Variants in DRC8 observed in about 807,000 individuals in gnomAD.
DRC8 encodes the protein dynein regulatory complex protein 8.
the DRC8 span, among the ~76,000 whole-genome samples, chr1:245,101,240 C>T: frequency 1.3e-5 from 2 of 152,194 alleles, no homozygotes; most frequent in African/African-American, 2.4e-5. Flanking sequence ...CCCAATCTTT[C>T]TTTTATCCTT....
At chr1:245,119,893 A>G in the DRC8 span, among the ~76,000 whole-genome samples, 1 of 152,072 alleles carries the variant, frequency 6.6e-6, no homozygotes, top group African/African-American at 2.4e-5. Context: ...AGATCATGCA[A>G]CTGCACTCCA....
At chr1:245,048,453 T>C in the DRC8 span, among the ~76,000 whole-genome samples, 2 of 152,016 alleles carry the variant, frequency 1.3e-5, no homozygotes, top group East Asian at 1.9e-4. Context: ...TGAGGCAGGG[T>C]TTCTGTTATC....
the DRC8 span, among the ~76,000 whole-genome samples, chr1:245,119,696 G>A: frequency 0.012 from 1,875 of 151,506 alleles, 45 homozygotes; most frequent in African/African-American, 0.043. Context: ...CACTTTGGGA[G>A]GCCGAGGCAT....
At chr1:244,971,958 C>CAAA in the DRC8 span, among the ~76,000 whole-genome samples, 1,062 of 107,142 alleles carry the variant, frequency 9.9e-3, 30 homozygotes, top group East Asian at 0.055. Context: ...TGTTCTTTAC[C>CAAA]AAAAAAAAAA....
At chr1:245,056,448 A>C in the DRC8 span, among the ~76,000 whole-genome samples, 5 of 152,298 alleles carry the variant, frequency 3.3e-5, no homozygotes, top group East Asian at 9.7e-4. Context: ...CCAGAGAGGA[A>C]CATGGAGGCT....
At chr1:245,112,816 C>T in the DRC8 span, among the ~76,000 whole-genome samples, 10 of 151,314 alleles carry the variant, frequency 6.6e-5, no homozygotes, top group Middle Eastern at 3.4e-3. Flanking sequence ...TGCAGTGGCA[C>T]GGTCTTGGCT....
At chr1:245,039,300 C>CAAA in the DRC8 span, among the ~76,000 whole-genome samples, 47 of 27,474 alleles carry the variant, frequency 1.7e-3, 5 homozygotes, top group East Asian at 3.3e-3. Context: ...CTTGTCTCTA[C>CAAA]AAAAAAAAAA....
chr1:245,117,816 C>G, the DRC8 span, among the ~76,000 whole-genome samples: 23,841 of 151,918 alleles, frequency 0.16, 1,979 homozygotes, highest in Middle Eastern at 0.28. Context: ...TAAAAATACA[C>G]AAATTAGCTG....
At chr1:245,091,599 T>C in the DRC8 span, 2 of 152,232 alleles carry the variant, frequency 1.3e-5, no homozygotes, top group Non-Finnish European at 2.9e-5. Context: ...GATGTTCAAC[T>C]TCACATCTTG....
At chr1:244,999,562 A>C in the DRC8 span, among the ~76,000 whole-genome samples, 1 of 152,334 alleles carries the variant, frequency 6.6e-6, no homozygotes, top group African/African-American at 2.4e-5. Flanking sequence ...ATTGCTGAAT[A>C]CAGGAGATAT....
the DRC8 span, among the ~76,000 whole-genome samples, chr1:245,074,202 C>T: frequency 6.6e-6 from 1 of 152,190 alleles, no homozygotes. Flanking sequence ...GTGTTAACCA[C>T]TGCTCCTTTG....
At chr1:245,004,835 GTT>G in the DRC8 span, among the ~76,000 whole-genome samples, 1 of 152,126 alleles carries the variant, frequency 6.6e-6, no homozygotes, top group Non-Finnish European at 1.5e-5. Flanking sequence ...TCTATTCCTA[GTT>G]TTCTTTTAAA....
chr1:245,042,580 C>G, the DRC8 span, among the ~76,000 whole-genome samples: 1 of 152,216 alleles, frequency 6.6e-6, no homozygotes, highest in Admixed American at 6.5e-5. Flanking sequence ...TAAACGATAC[C>G]AGCACATCAT....
chr1:245,056,319 A>G, the DRC8 span, among the ~76,000 whole-genome samples: 3 of 151,954 alleles, frequency 2.0e-5, no homozygotes, highest in Non-Finnish European at 4.4e-5. Flanking sequence ...TTTTTGAGAC[A>G]GATTCTCACT....
At chr1:244,978,938 A>G in the DRC8 span, among the ~76,000 whole-genome samples, 1 of 152,054 alleles carries the variant, frequency 6.6e-6, no homozygotes, top group African/African-American at 2.4e-5. Flanking sequence ...ATTTCCATCT[A>G]AAGAGGAAGA....
the DRC8 span, among the ~76,000 whole-genome samples, chr1:245,033,033 A>T: frequency 2.0e-5 from 3 of 152,036 alleles, no homozygotes; most frequent in Admixed American, 1.3e-4. Flanking sequence ...TAGCTTTAGG[A>T]TGGTAGATCC....
At chr1:245,032,936 G>T in the DRC8 span, among the ~76,000 whole-genome samples, 1 of 151,880 alleles carries the variant, frequency 6.6e-6, no homozygotes, top group Non-Finnish European at 1.5e-5. Context: ...ACGGAAGATT[G>T]CTTGAGCTTG....
chr1:245,087,604 T>A, the DRC8 span: 2 of 1,097,720 alleles, frequency 1.8e-6, no homozygotes, highest in African/African-American at 3.3e-5. Context: ...AACATTAGAA[T>A]GGATTGTTGT....
chr1:245,037,947 T>C, the DRC8 span, among the ~76,000 whole-genome samples: 1 of 152,152 alleles, frequency 6.6e-6, no homozygotes, highest in Non-Finnish European at 1.5e-5. Context: ...ATATAAATGC[T>C]ACATAATTCA....
Sources: allele counts gnomAD v4.1 joint callset (sites outside exome capture counted in the v4.1 genomes callset), GRCh38; gene constraint gnomAD v4.1.1; transcripts MANE v1.5; gene names NCBI Gene and HGNC (gene_info 2026-07-23, HGNC 2026-07-21).